INTS6L: variants seen among roughly 807,000 people sequenced by gnomAD.
INTS6L encodes integrator complex subunit 6 like.
INTS6L carries 18 observed loss-of-function variants against 64.7 expected under a neutral mutation model. The observed-to-expected ratio is 0.28, with a 90% confidence interval of 0.19 to 0.41. The LOEUF (loss-of-function observed/expected upper bound fraction) is 0.41. Ranked by LOEUF, INTS6L falls within the 10% of genes least tolerant of loss-of-function variation. INTS6L has a pLI of 1.00. For synonymous variants in INTS6L, 227 were observed against 235.9 expected, an observed-to-expected ratio of 0.96 and a Z score of 0.34; for missense variants, 533 against 661.0, an observed-to-expected ratio of 0.81 and a Z score of 2.12.
intron 11 of INTS6L, chrX:135,572,185 A>G (rs1556527899): frequency 8.9e-6 from 1 of 112,291 alleles, no homozygotes; most frequent in Non-Finnish European, 1.9e-5. Flanking sequence ...ATATATTGCT[A>G]TAATACACTC....
intron 1 of INTS6L, 50 bp downstream of exon 1, chrX:135,521,153 G>A (rs1238062349): frequency 3.4e-6 from 4 of 1,181,822 alleles, no homozygotes; most frequent in Non-Finnish European, 4.6e-6. Flanking sequence ...GGGATTTCAG[G>A]GTGTGGATTG....
chrX:135,564,917 A>C (rs1194427257), intron 9 of INTS6L, among the ~76,000 whole-genome samples: 1 of 111,222 alleles, frequency 9.0e-6, no homozygotes, highest in African/African-American at 3.3e-5. Context: ...TGCCAGGTAG[A>C]AGTCCAGGCT....
chrX:135,574,143 G>A (rs2087163502), intron 13 of INTS6L, 81 bp downstream of exon 13: 14 of 1,011,472 alleles, frequency 1.4e-5, no homozygotes, highest in East Asian at 9.9e-5. Context: ...ATTGCATAAT[G>A]AGTAGGCTAT....
chrX:135,549,148 T>C (rs2086435487), intron 6 of INTS6L, among the ~76,000 whole-genome samples: 1 of 112,338 alleles, frequency 8.9e-6, no homozygotes, highest in Admixed American at 9.4e-5. Context: ...TTGGGTCTAA[T>C]TGTTTGGCAA....
intron 5 of INTS6L, 66 bp from the exon 6 acceptor site, chrX:135,547,070 TA>T (rs1248001935): frequency 1.7e-6 from 2 of 1,170,333 alleles, no homozygotes; most frequent in Non-Finnish European, 2.3e-6. Flanking sequence ...TTTAGGATTT[TA>T]AAATGCTTAT....
chrX:135,551,528 G>T (rs781893735), intron 7 of INTS6L, among the ~76,000 whole-genome samples: 1 of 112,056 alleles, frequency 8.9e-6, no homozygotes, highest in African/African-American at 3.2e-5. Context: ...CATCTTGCTT[G>T]TTCATGGCTT....
chrX:135,562,415 C>A (rs2086815196), intron 9 of INTS6L, among the ~76,000 whole-genome samples: 1 of 112,062 alleles, frequency 8.9e-6, no homozygotes, highest in African/African-American at 3.2e-5. Context: ...TGCTTTATGG[C>A]AAAGCATATT....
intron 2 of INTS6L, among the ~76,000 whole-genome samples, chrX:135,537,210 A>G (rs1037184889): frequency 8.9e-5 from 10 of 112,141 alleles, no homozygotes; most frequent in Admixed American, 8.5e-4. Context: ...ATAAATAGCT[A>G]GTGGCTAGTC....
Position 135,521,260 on chromosome X carries a change from C to T in INTS6L, c.131C>T (p.Ala44Val). The change falls in exon 2 of 18, where the codon GCC becomes GTC. Residue 44 changes from alanine (A) to valine (V), a missense_variant. Ala to Val is a moderately conservative substitution (Grantham distance 64, BLOSUM62 0). Coordinates refer to ENST00000639893, the MANE Select transcript of INTS6L (RefSeq NM_001351601.3). ...LFLKLRARDP[A>V]SRGDRYMLVT... ...CCGCAGCTGCGCGCCCGGGACCCGG[C>T]CAGCCGTGGAGACAGGTACATGCTG... 1.2e-5 allele frequency: 14 copies of T among 1,208,702 alleles called. No individual in the cohort carries two copies. The highest frequency in any genetic ancestry group is 1.6e-5 in the Non-Finnish European group (14 of 894,081).
chrX:135,536,102 C>G (rs1556508582), intron 2 of INTS6L, among the ~76,000 whole-genome samples: 1 of 111,709 alleles, frequency 9.0e-6, no homozygotes, highest in African/African-American at 3.3e-5. Flanking sequence ...TAAAACAGGT[C>G]AGTGCAGTGG....
chrX:135,543,066 C>G (rs781823260), intron 2 of INTS6L, among the ~76,000 whole-genome samples: 1 of 111,708 alleles, frequency 9.0e-6, no homozygotes, highest in African/African-American at 3.3e-5. Context: ...AGCCTTTCAT[C>G]ACTTTTCTCG....
chrX:135,560,332 A>G (rs1473847257), intron 9 of INTS6L, among the ~76,000 whole-genome samples: 1 of 112,114 alleles, frequency 8.9e-6, no homozygotes, highest in East Asian at 2.8e-4. Flanking sequence ...AATTTTCAAC[A>G]TAGACAATTA....
chrX:135,571,218 T>A (rs1374063682), intron 11 of INTS6L: 1 of 112,167 alleles, frequency 8.9e-6, no homozygotes, highest in African/African-American at 3.2e-5. Context: ...TTCTCACCTC[T>A]ACTTAGCCCA....
chrX:135,523,721 CT>C (rs2085655495), intron 2 of INTS6L, among the ~76,000 whole-genome samples: 1 of 111,958 alleles, frequency 8.9e-6, no homozygotes, highest in Non-Finnish European at 1.9e-5. Flanking sequence ...ATTTTAAAGG[CT>C]CCAGATAGTT....
intron 9 of INTS6L, among the ~76,000 whole-genome samples, chrX:135,567,351 G>A (rs1556525285): frequency 9.0e-6 from 1 of 111,411 alleles, no homozygotes; most frequent in African/African-American, 3.3e-5. Flanking sequence ...CACCTTTACT[G>A]TACCATCCTA....
At chrX:135,579,091 C>T (rs1189332974) in intron 15 of INTS6L, among the ~76,000 whole-genome samples, 2 of 111,381 alleles carry the variant, frequency 1.8e-5, no homozygotes, top group African/African-American at 6.5e-5. Flanking sequence ...TTCATTTGCT[C>T]ATTGTGCATG....
At chrX:135,528,548 C>T (rs1394292632) in intron 2 of INTS6L, among the ~76,000 whole-genome samples, 1 of 111,145 alleles carries the variant, frequency 9.0e-6, no homozygotes, top group South Asian at 3.8e-4. Flanking sequence ...TACATTTACA[C>T]GGTTCAGCAT....
chrX:135,567,352 T>G (rs1481982937), intron 9 of INTS6L, among the ~76,000 whole-genome samples: 4 of 111,830 alleles, frequency 3.6e-5, no homozygotes, highest in Admixed American at 2.8e-4. Context: ...ACCTTTACTG[T>G]ACCATCCTAG....
At chrX:135,559,755 T>C (rs1450303838) in intron 9 of INTS6L, among the ~76,000 whole-genome samples, 3 of 112,613 alleles carry the variant, frequency 2.7e-5, no homozygotes, top group African/African-American at 9.7e-5. Context: ...ACATTCCCAC[T>C]ATTAGTGTAT....
Sources: allele counts gnomAD v4.1 joint callset (sites outside exome capture counted in the v4.1 genomes callset), GRCh38; gene constraint gnomAD v4.1.1; transcripts MANE v1.5; gene names NCBI Gene and HGNC (gene_info 2026-07-23, HGNC 2026-07-21).